Variants in PSMD11 observed in about 807,000 individuals in gnomAD.
The protein encoded by PSMD11 is proteasome 26S subunit, non-ATPase 11.
In PSMD11, 5 loss-of-function variants were observed where a neutral mutation model predicts 62.3. The observed-to-expected ratio is 0.08, with a 90% CI of 0.04 to 0.17. PSMD11 has a LOEUF of 0.17. PSMD11 is among the 10% of genes least tolerant of loss of function. The pLI, the probability that PSMD11 is intolerant of heterozygous loss-of-function variation, is 1.00. For synonymous variants in PSMD11, 191 were observed against 191.8 expected (o/e 1.00, Z 0.03); for missense variants, 310 against 512.9 (o/e 0.60, Z 3.82).
intron 1 of PSMD11, among the ~76,000 whole-genome samples, chr17:32,446,286 T>C (rs1169844341): frequency 2.0e-5 from 3 of 152,234 alleles, no homozygotes; most frequent in African/African-American, 7.2e-5. Flanking sequence ...TTAAAATAGT[T>C]ATTAACTGTT....
intron 8 of PSMD11, 65 bp from the exon 9 acceptor site, chr17:32,477,456 T>G: frequency 3.6e-6 from 5 of 1,401,848 alleles, no homozygotes; most frequent in Non-Finnish European, 4.9e-6. Context: ...ATACTGCTTA[T>G]GAGACTTGGG....
intron 10 of PSMD11, chr17:32,479,584 G>C (rs762840565): frequency 1.3e-4 from 96 of 744,350 alleles, no homozygotes; most frequent in Admixed American, 3.2e-4. Context: ...CCCTGCATGT[G>C]TTCTGAGCAG....
chr17:32,447,050 A>C lies in PSMD11; in HGVS notation c.193+4A>C. 1 of 1,589,498 alleles carries C rather than the reference A, an allele frequency of 6.3e-7. No individual in the cohort carries two copies. Among genetic ancestry groups the C allele is most frequent in the Non-Finnish European group, 8.6e-7 (1 of 1,160,186 alleles). ...GCAAAGACTGGACAAGCTGCAGGTA[A>C]GTGCTACACATGGATTGTATCTGAA... On this transcript the variant is annotated splice_donor_region_variant and intron_variant, in intron 2 of 13. Coordinates refer to ENST00000261712, the MANE Select transcript of PSMD11 (RefSeq NM_002815.4).
chr17:32,479,950 T>G (rs1326144160), intron 11 of PSMD11, 64 bp downstream of exon 11: 2 of 1,560,276 alleles, frequency 1.3e-6, no homozygotes, highest in Non-Finnish European at 1.8e-6. Context: ...GGGTGGCACA[T>G]GCACCTGATT....
At chr17:32,477,804 C>T in intron 9 of PSMD11, 1 of 337,804 alleles carries the variant, frequency 3.0e-6, no homozygotes, top group East Asian at 4.7e-5. Flanking sequence ...TACATAATAC[C>T]TTTCTATTTC....
Position 32,469,192 on chromosome 17 carries a change from G to A in PSMD11, c.642G>A (p.Ser214=), listed in dbSNP as rs150206106. 6.6e-5 allele frequency: 106 copies of A among 1,612,598 alleles called. 1 individual carries two copies. The highest frequency in any genetic ancestry group is 4.8e-4 in the South Asian group (44 of 90,966). The change falls in exon 6 of 14, where the codon TCG becomes TCA. Residue 214 remains serine, a splice_region_variant and synonymous_variant. Transcript: ENST00000261712. ...TGCAGGCCACCTTGGACATGCAGTC[G>A]GGTAACAGACGTAGCTATTCCTGGG... ...PKLQATLDMQ[S]GIIHAAEEKD... is the part of the protein sequence containing the mutation.
chr17:32,480,091 G>T, intron 11 of PSMD11, 55 bp from the exon 12 acceptor site: 1 of 1,579,168 alleles, frequency 6.3e-7, no homozygotes, highest in South Asian at 1.1e-5. Flanking sequence ...TACTGTGTCA[G>T]GGTGATCTCT....
chr17:32,477,452 C>A (rs191560655), intron 8 of PSMD11, 69 bp from the exon 9 acceptor site: 496 of 1,367,002 alleles, frequency 3.6e-4, no homozygotes, highest in Admixed American at 1.0e-3. Context: ...CAGCATACTG[C>A]TTATGAGACT....
intron 6 of PSMD11, among the ~76,000 whole-genome samples, chr17:32,470,214 A>G (rs543278162): frequency 2.0e-5 from 3 of 152,084 alleles, no homozygotes; most frequent in South Asian, 2.1e-4. Context: ...CATGTTGCCC[A>G]GACTGGTCTT....
At chr17:32,464,239 A>G in intron 4 of PSMD11, 119 bp downstream of exon 4, 1 of 976,986 alleles carries the variant, frequency 1.0e-6, no homozygotes, top group Admixed American at 1.9e-5. Context: ...AGATACCGAA[A>G]GATTATTGAT....
chr17:32,464,215 C>CT, intron 4 of PSMD11, 95 bp downstream of exon 4: 1 of 1,144,204 alleles, frequency 8.7e-7, no homozygotes, highest in Non-Finnish European at 1.3e-6. Context: ...TCTTCAGCAA[C>CT]TTTGTAATTA....
Position 32,444,583 on chromosome 17 carries a change from G to T in PSMD11, c.60G>T (p.Arg20=), listed in dbSNP as rs751078492. 6.2e-7 allele frequency: 1 copy of T among 1,611,914 alleles called. No individual in the cohort carries two copies. Among genetic ancestry groups the T allele is most frequent in the Non-Finnish European group, 8.5e-7 (1 of 1,179,368 alleles). The change falls in exon 1 of 14, where the codon CGG becomes CGT. Residue 20 remains arginine (R), a synonymous_variant. Coordinates refer to ENST00000261712, the MANE Select transcript of PSMD11 (RefSeq NM_002815.4). ...QRAQSLLSTD[R]EASIDILHSI... is the part of the protein sequence containing the mutation. ...CCCAGTCTCTACTCAGCACCGACCG[G>T]GAGGCCTCCATCGACATCCTCCACT...
intron 5 of PSMD11, among the ~76,000 whole-genome samples, chr17:32,466,242 C>T (rs1351321559): frequency 1.3e-5 from 2 of 152,066 alleles, no homozygotes; most frequent in African/African-American, 4.8e-5. Context: ...AATGATCTGC[C>T]TGCCTTGGCC....
chr17:32,444,981 T>C, intron 1 of PSMD11: 1 of 351,194 alleles, frequency 2.8e-6, no homozygotes, highest in African/African-American at 2.2e-5. Context: ...TGTCACGGAC[T>C]GGTCCTAGAG....
chr17:32,455,197 A>T (rs1308593039), intron 3 of PSMD11, among the ~76,000 whole-genome samples: 5 of 152,238 alleles, frequency 3.3e-5, no homozygotes, highest in Non-Finnish European at 5.9e-5. Flanking sequence ...GAAGAGACGC[A>T]TACCAAAATT....
At chr17:32,462,627 G>A (rs1907874334) in intron 3 of PSMD11, among the ~76,000 whole-genome samples, 2 of 152,316 alleles carry the variant, frequency 1.3e-5, no homozygotes, top group Admixed American at 6.5e-5. Context: ...GGATCTAAAA[G>A]TAGAAGATCC....
At chr17:32,459,228 A>G (rs1907751054) in intron 3 of PSMD11, among the ~76,000 whole-genome samples, 2 of 150,474 alleles carry the variant, frequency 1.3e-5, no homozygotes, top group African/African-American at 4.9e-5. Flanking sequence ...CTATTTGTCA[A>G]AGGAATGTAT....
intron 12 of PSMD11, 72 bp downstream of exon 12, chr17:32,480,269 A>G: frequency 6.4e-7 from 1 of 1,562,732 alleles, no homozygotes; most frequent in Non-Finnish European, 8.8e-7. Context: ...ATTTTCAAAG[A>G]AGATGTTCTA....
Position 32,450,256 on chromosome 17 carries a change from T to A in PSMD11, c.193+3210T>A, listed in dbSNP as rs568535785. Among the ~76,000 whole-genome samples, 3 of 150,818 alleles carry A rather than the reference T, an allele frequency of 2.0e-5. No homozygotes were observed. In the East Asian group the frequency reaches 5.8e-4, roughly 29 times the overall value. On this transcript the variant is annotated intron_variant, in intron 2 of 13. Coordinates refer to ENST00000261712, the MANE Select transcript of PSMD11 (RefSeq NM_002815.4). ...GATTATAGGCATGAGCCACTGTGCC[T>A]GGCCTTTTTTTTTTTTGAGACCGAG...
Sources: allele counts gnomAD v4.1 joint callset (sites outside exome capture counted in the v4.1 genomes callset), GRCh38; gene constraint gnomAD v4.1.1; transcripts MANE v1.5; gene names NCBI Gene and HGNC (gene_info 2026-07-23, HGNC 2026-07-21).